Variants in GPHN observed in about 807,000 individuals in gnomAD.
The protein encoded by GPHN is gephyrin.
Under a neutral mutation model 95.5 loss-of-function variants are expected in GPHN, and 17 were observed. That is an observed-to-expected ratio of 0.18 (90% CI 0.12 to 0.27). GPHN has a LOEUF of 0.27. GPHN is among the 10% of genes least tolerant of loss of function. The pLI is 1.00. For missense variants in GPHN, 660 were observed against 978.1 expected (o/e 0.67, Z 4.34); for synonymous variants, 320 against 322.5 (o/e 0.99, Z 0.08).
the GPHN span, among the ~76,000 whole-genome samples, chr14:67,401,928 C>G: frequency 2.6e-5 from 4 of 152,106 alleles, no homozygotes; most frequent in African/African-American, 9.7e-5. Flanking sequence ...GTCAGGAGTT[C>G]GAGAGCAGTC....
At chr14:67,076,962 A>G (rs1027623039) in intron 11 of GPHN, among the ~76,000 whole-genome samples, 9 of 152,174 alleles carry the variant, frequency 5.9e-5, no homozygotes, top group African/African-American at 2.2e-4. Context: ...AGCCTCTTAG[A>G]GCTAACTACA....
chr14:67,313,776 A>G, the GPHN span, among the ~76,000 whole-genome samples: 2 of 152,096 alleles, frequency 1.3e-5, no homozygotes, highest in African/African-American at 2.4e-5. Flanking sequence ...ACACTTATGT[A>G]TATTTTTTTC....
intron 1 of GPHN, among the ~76,000 whole-genome samples, chr14:66,629,846 T>C (rs1251634570): frequency 6.6e-6 from 1 of 152,208 alleles, no homozygotes; most frequent in Non-Finnish European, 1.5e-5. Context: ...TGACTTCAAT[T>C]ATACTCTATT....
intron 9 of GPHN, among the ~76,000 whole-genome samples, chr14:67,004,891 A>G (rs1210005998): frequency 3.3e-5 from 5 of 151,706 alleles, no homozygotes; most frequent in Non-Finnish European, 5.9e-5. Flanking sequence ...AAGGCATGAC[A>G]TTACTCTTTA....
intron 1 of GPHN, among the ~76,000 whole-genome samples, chr14:66,532,778 A>G (rs1298115610): frequency 2.0e-5 from 3 of 152,212 alleles, no homozygotes; most frequent in Non-Finnish European, 2.9e-5. Context: ...CTACCCTGTA[A>G]GTAGTCTTCA....
the GPHN span, chr14:67,590,126 C>A: frequency 5.2e-6 from 8 of 1,551,122 alleles, no homozygotes; most frequent in South Asian, 8.3e-5. Context: ...GATCTCCTGG[C>A]AGCTCCTGTA....
At chr14:67,302,591 A>G in the GPHN span, 1 of 1,440,706 alleles carries the variant, frequency 6.9e-7, no homozygotes. Context: ...CGCAGCTAGA[A>G]GAATAATTGA....
At chr14:66,723,351 T>TTA (rs1272377032) in intron 2 of GPHN, among the ~76,000 whole-genome samples, 9 of 151,042 alleles carry the variant, frequency 6.0e-5, no homozygotes, top group African/African-American at 2.2e-4. Flanking sequence ...TTATAAAAGG[T>TTA]TAACCTTTTG....
chr14:67,658,936 C>T, the GPHN span, among the ~76,000 whole-genome samples: 46 of 152,300 alleles, frequency 3.0e-4, 1 homozygote, highest in African/African-American at 1.1e-3. Context: ...TAGTATGAGC[C>T]TTTCAGTCTG....
At chr14:66,588,067 C>T (rs1221011419) in intron 1 of GPHN, among the ~76,000 whole-genome samples, 2 of 152,180 alleles carry the variant, frequency 1.3e-5, no homozygotes, top group African/African-American at 4.8e-5. Context: ...TGCTGTTCTG[C>T]AGCCTCCGCT....
intron 3 of GPHN, among the ~76,000 whole-genome samples, chr14:66,812,609 A>C (rs2060807123): frequency 6.6e-6 from 1 of 152,332 alleles, no homozygotes; most frequent in Non-Finnish European, 1.5e-5. Context: ...ACCAAATAGA[A>C]ATTTAAGAAG....
chr14:67,495,048 T>C, the GPHN span, among the ~76,000 whole-genome samples: 1 of 152,178 alleles, frequency 6.6e-6, no homozygotes, highest in African/African-American at 2.4e-5. Flanking sequence ...TCTGGCAACT[T>C]TTCTGTACAT....
intron 1 of GPHN, among the ~76,000 whole-genome samples, chr14:66,578,871 AC>A (rs1370552667): frequency 6.6e-6 from 1 of 151,804 alleles, no homozygotes; most frequent in Admixed American, 6.6e-5. Context: ...TAATATGAAA[AC>A]ATATAAATGT....
chr14:67,005,602 C>T (rs1458026678), intron 9 of GPHN, among the ~76,000 whole-genome samples: 9 of 141,114 alleles, frequency 6.4e-5, no homozygotes, highest in Non-Finnish European at 1.0e-4. Context: ...TTCTTTTTAA[C>T]TTAAATATTT....
At chr14:67,387,870 C>G in the GPHN span, among the ~76,000 whole-genome samples, 2 of 152,178 alleles carry the variant, frequency 1.3e-5, no homozygotes, top group African/African-American at 4.8e-5. Context: ...ATAATATCTT[C>G]TTACTATGGC....
chr14:67,686,711 G>A, the GPHN span, among the ~76,000 whole-genome samples: 1 of 151,118 alleles, frequency 6.6e-6, no homozygotes, highest in Non-Finnish European at 1.5e-5. Context: ...TGCTATTTCA[G>A]GCCCCCAATC....
At chr14:66,879,830 T>C (rs768285568) in intron 4 of GPHN, 109 bp from the exon 5 acceptor site, 1 of 736,220 alleles carries the variant, frequency 1.4e-6, no homozygotes, top group Non-Finnish European at 2.4e-6. Context: ...ACTAAAAGTA[T>C]GGTTATTGAA....
chr14:67,055,659 C>T (rs1233342395), intron 10 of GPHN, among the ~76,000 whole-genome samples: 2 of 152,178 alleles, frequency 1.3e-5, no homozygotes, highest in African/African-American at 4.8e-5. Context: ...AACCCAAACG[C>T]CTATCAATGA....
intron 4 of GPHN, among the ~76,000 whole-genome samples, chr14:66,841,352 A>T (rs1233417256): frequency 2.6e-5 from 4 of 152,188 alleles, no homozygotes; most frequent in African/African-American, 7.2e-5. Context: ...GCCATGGATC[A>T]TGTGGAACCT....
Sources: allele counts gnomAD v4.1 joint callset (sites outside exome capture counted in the v4.1 genomes callset), GRCh38; gene constraint gnomAD v4.1.1; transcripts MANE v1.5; gene names NCBI Gene and HGNC (gene_info 2026-07-23, HGNC 2026-07-21).